Variants in PARD3 observed in about 807,000 individuals in gnomAD.
PARD3 encodes the protein par-3 family cell polarity regulator.
PARD3 carries 75 observed loss-of-function variants against 155.4 expected under a neutral mutation model. The ratio of observed to expected loss-of-function variants is 0.48; its 90% CI spans 0.40 to 0.58. The LOEUF (loss-of-function observed/expected upper bound fraction) is 0.58, where lower values mean the gene tolerates loss of function less well. Ranked by LOEUF, PARD3 falls within the 20% of genes least tolerant of loss-of-function variation. The pLI is 0.00. For missense variants in PARD3, 1,642 were observed against 1,721.7 expected (o/e 0.95, Z 0.82); for synonymous variants, 576 against 610.5 (o/e 0.94, Z 0.83).
intron 18 of PARD3, among the ~76,000 whole-genome samples, chr10:34,333,644 C>T (rs1323946001): frequency 6.6e-6 from 1 of 152,010 alleles, no homozygotes; most frequent in Non-Finnish European, 1.5e-5. Flanking sequence ...GATCAGCAAA[C>T]TGTGAGTCAA....
chr10:34,578,139 G>A (rs1030915716), intron 2 of PARD3, among the ~76,000 whole-genome samples: 6 of 151,596 alleles, frequency 4.0e-5, no homozygotes, highest in Non-Finnish European at 7.4e-5. Flanking sequence ...CCTCCCCAAA[G>A]TGCTGAGATT....
chr10:34,372,347 A>C lies in PARD3; in HGVS notation c.1707+151T>G, dbSNP rs960246614. On this transcript the variant is annotated intron_variant, in intron 12 of 24. Coordinates refer to ENST00000374788, the MANE Select transcript of PARD3 (RefSeq NM_001184785.2). The stretch of plus-strand genomic sequence containing the variant: ...GGGTGGTAACAGTAAGTCACCTTAA[A>C]ATAAGACCACTTTGGCATTTAATAA... The C allele has an allele frequency of 4.7e-6, 3 of 639,132 alleles. No homozygotes were observed. In the African/African-American group the frequency reaches 5.5e-5, roughly 12 times the overall value. 39.6% of individuals were successfully genotyped at this position (639,132 alleles called of 1,614,324 possible). A position where few individuals can be genotyped will look rare whatever the true frequency, so the allele number is the denominator to read the frequency against.
At chr10:34,366,229 T>G (rs1839953344) in intron 12 of PARD3, among the ~76,000 whole-genome samples, 1 of 152,240 alleles carries the variant, frequency 6.6e-6, no homozygotes, top group Admixed American at 6.5e-5. Context: ...TGTTGTTCAC[T>G]TTCAGTACGG....
intron 23 of PARD3, among the ~76,000 whole-genome samples, chr10:34,126,276 G>C (rs2132728607): frequency 6.6e-6 from 1 of 152,334 alleles, no homozygotes; most frequent in South Asian, 2.1e-4. Flanking sequence ...CCCAGGAACA[G>C]GTGCATTCTG....
intron 3 of PARD3, among the ~76,000 whole-genome samples, chr10:34,486,302 G>A (rs1290091586): frequency 6.6e-6 from 1 of 152,114 alleles, no homozygotes; most frequent in East Asian, 1.9e-4. Context: ...ATCATGGCCC[G>A]AACTAGTTTT....
intron 14 of PARD3, among the ~76,000 whole-genome samples, chr10:34,349,581 A>T (rs1260099641): frequency 9.2e-5 from 3 of 32,480 alleles, no homozygotes; most frequent in East Asian, 6.0e-4. Context: ...CTGGGAAAGT[A>T]AAAAAAAAAA....
chr10:34,697,906 C>T (rs1370731907), intron 1 of PARD3, among the ~76,000 whole-genome samples: 1 of 152,034 alleles, frequency 6.6e-6, no homozygotes, highest in African/African-American at 2.4e-5. Context: ...CAGAATTTGG[C>T]ATCTCCAGAT....
chr10:34,296,762 A>C (rs1189377071), intron 20 of PARD3, among the ~76,000 whole-genome samples: 2 of 152,190 alleles, frequency 1.3e-5, no homozygotes, highest in Non-Finnish European at 2.9e-5. Flanking sequence ...ATTCCATCTA[A>C]GTCCCAGAAG....
At chr10:34,658,124 C>A (rs1161327340) in intron 2 of PARD3, among the ~76,000 whole-genome samples, 2 of 147,584 alleles carry the variant, frequency 1.4e-5, no homozygotes, top group East Asian at 2.0e-4. Context: ...CCAGCCTGGG[C>A]GACAGATCAA....
At position 34,491,748 on chromosome 10, in the gene PARD3, A is replaced by C. The variant is rs530939167; in HGVS notation, c.404-21485T>G. 2.0e-5 allele frequency among the ~76,000 whole-genome samples: 3 copies of C among 152,368 alleles called. No individual in the cohort carries two copies. In the East Asian group the frequency reaches 5.8e-4, roughly 29 times the overall value. The stretch of plus-strand genomic sequence containing the variant: ...TTTAATTGAGGAGATAAAGCACTTT[A>C]ATATTGATAAAATGTTTCTGTTATT... On this transcript the variant is annotated intron_variant, in intron 3 of 24. Transcript: ENST00000374788.
At chr10:34,749,938 C>T (rs1332618185) in intron 1 of PARD3, among the ~76,000 whole-genome samples, 1 of 151,970 alleles carries the variant, frequency 6.6e-6, no homozygotes, top group African/African-American at 2.4e-5. Flanking sequence ...GGGAGGATCC[C>T]TTGAGCCCAA....
Position 34,377,985 on chromosome 10 carries a change from T to C in PARD3, c.1521A>G (p.Ala507=). Residue 507 remains alanine (A), a synonymous_variant, in exon 10 of 25, where the codon GCA becomes GCG. Transcript: ENST00000374788. ...GAAIQDGRLK[A]GDRLIEVNGV... ...CACTTACCTCTATAAGTCTGTCTCCTGCCTTAAGTCGGCCATCCTGAATGG... is the reference window on the plus strand; with the variant it reads ...CACTTACCTCTATAAGTCTGTCTCCCGCCTTAAGTCGGCCATCCTGAATGG... The C allele has an allele frequency of 6.3e-6, 10 of 1,581,420 alleles. No homozygotes were observed. Among genetic ancestry groups the C allele is most frequent in the Non-Finnish European group, 8.6e-6 (10 of 1,168,388 alleles).
chr10:34,493,583 T>C (rs1055538474), intron 3 of PARD3, among the ~76,000 whole-genome samples: 1 of 151,822 alleles, frequency 6.6e-6, no homozygotes, highest in African/African-American at 2.4e-5. Flanking sequence ...AATACAAAAA[T>C]TAGCTGGCTG....
chr10:34,181,717 G>A (rs1391911963), intron 22 of PARD3, among the ~76,000 whole-genome samples: 3 of 152,040 alleles, frequency 2.0e-5, no homozygotes, highest in East Asian at 1.9e-4. Flanking sequence ...GCTGACATCT[G>A]GTTACATGGG....
At chr10:34,296,387 C>T (rs1002713715) in intron 20 of PARD3, among the ~76,000 whole-genome samples, 13 of 151,926 alleles carry the variant, frequency 8.6e-5, no homozygotes, top group African/African-American at 1.9e-4. Flanking sequence ...CGTACCACCA[C>T]ACCCAGTTAA....
rs191919838 is a variant in PARD3, at chr10:34,135,924, G to A, written c.3420-4341C>T. Among the ~76,000 whole-genome samples, 5 of 152,336 alleles carry A rather than the reference G, an allele frequency of 3.3e-5. No homozygotes were observed. In the East Asian group the frequency reaches 9.6e-4, roughly 29 times the overall value. On this transcript the variant is annotated intron_variant, in intron 22 of 24. Coordinates refer to ENST00000374788, the MANE Select transcript of PARD3 (RefSeq NM_001184785.2). The stretch of plus-strand genomic sequence containing the variant: ...ACTCTGAAGATAATGCCTGCAGTTA[G>A]TAGACTACTGCCATGAAGGGATGCT...
In PARD3 at chr10:34,348,522, C is replaced by T. The variant is rs532810716; in HGVS notation, c.2068-407G>A. Among the ~76,000 whole-genome samples the T allele has an allele frequency of 7.9e-4, 121 of 152,226 alleles. 1 individual carries two copies. The highest frequency in any genetic ancestry group is 2.7e-3 in the African/African-American group (113 of 41,526). The stretch of plus-strand genomic sequence containing the variant: ...GATCAGAATGGAAGCTGCAATTTAG[C>T]TATAGGTCTTAAACTTATGGTATGT... On this transcript the variant is annotated intron_variant, in intron 14 of 24. Coordinates refer to ENST00000374788, the MANE Select transcript of PARD3 (RefSeq NM_001184785.2).
At chr10:34,766,022 C>T (rs1838041714) in intron 1 of PARD3, among the ~76,000 whole-genome samples, 1 of 152,176 alleles carries the variant, frequency 6.6e-6, no homozygotes, top group South Asian at 2.1e-4. Context: ...CTCTGAACCA[C>T]CCCAATAGGG....
intron 2 of PARD3, among the ~76,000 whole-genome samples, chr10:34,547,388 C>T (rs1047255098): frequency 2.0e-5 from 3 of 152,200 alleles, no homozygotes; most frequent in Admixed American, 2.0e-4. Context: ...AATTATGCCA[C>T]ATCATTTTTC....
Sources: allele counts gnomAD v4.1 joint callset (sites outside exome capture counted in the v4.1 genomes callset), GRCh38; gene constraint gnomAD v4.1.1; transcripts MANE v1.5; gene names NCBI Gene and HGNC (gene_info 2026-07-23, HGNC 2026-07-21).